Variants in MAN2A1 observed in about 807,000 individuals in gnomAD.
MAN2A1 encodes alpha-mannosidase 2.
MAN2A1 carries 76 observed loss-of-function variants against 142.6 expected under a neutral mutation model. The observed-to-expected ratio is 0.53, with a 90% CI of 0.44 to 0.65. The LOEUF is 0.65. MAN2A1 is among the 30% of genes least tolerant of loss of function. MAN2A1 has a pLI of 0.00. For missense variants in MAN2A1, 1,311 were observed against 1,365.1 expected (o/e 0.96, Z 0.62); for synonymous variants, 559 against 473.2 (o/e 1.18, Z -2.35).
intron 12 of MAN2A1, among the ~76,000 whole-genome samples, chr5:109,809,489 T>C (rs11745926): frequency 0.31 from 46,369 of 151,948 alleles, 7,542 homozygotes; most frequent in East Asian, 0.64. Flanking sequence ...ATTTTTATCA[T>C]TTTCTAAGGA....
rs1488664056 is a variant in MAN2A1, at chr5:109,868,647, T to C, written c.*1649T>C. 1 of 152,152 alleles carries C rather than the reference T, an allele frequency of 6.6e-6. No homozygotes were observed. The highest frequency in any genetic ancestry group is 3.2e-3 in the Middle Eastern group (1 of 316). The allele number at this position is 152,152 out of a possible 1,614,324, so 9.4% of individuals were successfully genotyped here. On this transcript the variant is annotated 3_prime_UTR_variant, in exon 22 of 22. Transcript: ENST00000261483. ...TTAAATTCATAAACTCCTTCACCTT[T>C]AATAATTAAGGAAACAATACCAGTG...
intron 16 of MAN2A1, among the ~76,000 whole-genome samples, chr5:109,839,272 CTA>C (rs1423361854): frequency 6.6e-6 from 1 of 152,118 alleles, no homozygotes; most frequent in Non-Finnish European, 1.5e-5. Context: ...CTTTACAAAA[CTA>C]TTTTGGTTAA....
At chr5:109,759,258 C>G (rs1752772978) in intron 5 of MAN2A1, among the ~76,000 whole-genome samples, 1 of 152,104 alleles carries the variant, frequency 6.6e-6, no homozygotes, top group South Asian at 2.1e-4. Context: ...TTATAGCTTT[C>G]AGTGTAAAAG....
At chr5:109,839,884 T>C (rs1437252400) in intron 16 of MAN2A1, among the ~76,000 whole-genome samples, 1 of 152,060 alleles carries the variant, frequency 6.6e-6, no homozygotes, top group East Asian at 1.9e-4. Flanking sequence ...AGAATTTCCA[T>C]TGTACTTTTC....
intron 5 of MAN2A1, among the ~76,000 whole-genome samples, chr5:109,759,962 TATAG>T (rs1035592534): frequency 0.066 from 3,264 of 49,336 alleles, 72 homozygotes; most frequent in Middle Eastern, 0.15. Flanking sequence ...TATATATATA[TATAG>T]ATAGATAGAT....
At position 109,695,428 on chromosome 5, in the gene MAN2A1, A is replaced by G. The variant is rs769546524; in HGVS notation, c.135+4876A>G. On this transcript the variant is annotated intron_variant, in intron 1 of 21. Coordinates refer to ENST00000261483, the MANE Select transcript of MAN2A1 (RefSeq NM_002372.4). ...ACTTTTATTTGTTTTTGAGTCAGCTATTGCTTTTTGTGATAACTGAAAACT... is the reference window on the plus strand; with the variant it reads ...ACTTTTATTTGTTTTTGAGTCAGCTGTTGCTTTTTGTGATAACTGAAAACT... Among the ~76,000 whole-genome samples the G allele has an allele frequency of 2.0e-5, 3 of 152,100 alleles. No homozygotes were observed. In the East Asian group the frequency reaches 5.8e-4, roughly 29 times the overall value.
intron 16 of MAN2A1, among the ~76,000 whole-genome samples, chr5:109,824,369 A>G (rs1194900167): frequency 6.6e-6 from 1 of 152,204 alleles, no homozygotes; most frequent in Non-Finnish European, 1.5e-5. Flanking sequence ...CCCAAGTGAT[A>G]GGAAATAGGC....
chr5:109,738,020 A>C (rs1021305755), intron 4 of MAN2A1, among the ~76,000 whole-genome samples: 2 of 152,236 alleles, frequency 1.3e-5, no homozygotes, highest in African/African-American at 2.4e-5. Context: ...TGCATTCCTT[A>C]TACAGCTTTG....
At chr5:109,811,677 C>T (rs181291323) in intron 12 of MAN2A1, among the ~76,000 whole-genome samples, 51 of 151,546 alleles carry the variant, frequency 3.4e-4, no homozygotes, top group African/African-American at 1.2e-3. Context: ...TGTCTTATTG[C>T]CTACCCTGTT....
rs1381921059 is a variant in MAN2A1, at chr5:109,817,444, T to C, written c.2109+6T>C. The C allele has an allele frequency of 6.2e-7, 1 of 1,613,498 alleles. No individual in the cohort carries two copies. Among genetic ancestry groups the C allele is most frequent in the African/African-American group, 1.3e-5 (1 of 74,914 alleles). ...TTTCAGAAACAGCCTATGAGGTATG[T>C]TGTAGCCATAGAACTTAAGGAGGCA... On this transcript the variant is annotated splice_donor_region_variant and intron_variant, in intron 13 of 21. Transcript: ENST00000261483.
At chr5:109,836,504 T>G (rs1443089564) in intron 16 of MAN2A1, among the ~76,000 whole-genome samples, 1 of 152,166 alleles carries the variant, frequency 6.6e-6, no homozygotes, top group Non-Finnish European at 1.5e-5. Flanking sequence ...GGGTGATGCC[T>G]TTTGTTTTCT....
intron 1 of MAN2A1, among the ~76,000 whole-genome samples, chr5:109,692,079 T>C (rs1750687410): frequency 6.6e-6 from 1 of 152,228 alleles, no homozygotes; most frequent in African/African-American, 2.4e-5. Flanking sequence ...TTTGGCTTGA[T>C]GATCACTTGA....
intron 16 of MAN2A1, among the ~76,000 whole-genome samples, chr5:109,826,719 G>A (rs185072517): frequency 1.8e-4 from 28 of 152,326 alleles, no homozygotes; most frequent in African/African-American, 6.5e-4. Context: ...ATAGATATAC[G>A]AAGTCTTCAG....
intron 20 of MAN2A1, chr5:109,864,418 G>A (rs1755830386): frequency 6.6e-6 from 1 of 152,116 alleles, no homozygotes; most frequent in African/African-American, 2.4e-5. Context: ...ATTTTTGCCT[G>A]CCTATCAACA....
chr5:109,865,662 G>A (rs1755861448), intron 21 of MAN2A1, among the ~76,000 whole-genome samples: 4 of 152,204 alleles, frequency 2.6e-5, no homozygotes, highest in Admixed American at 2.6e-4. Flanking sequence ...TTTCCCTTGG[G>A]AAATAAATGT....
chr5:109,724,409 C>T (rs1269172285), intron 3 of MAN2A1, among the ~76,000 whole-genome samples: 1 of 151,862 alleles, frequency 6.6e-6, no homozygotes, highest in Non-Finnish European at 1.5e-5. Flanking sequence ...TGCAAATATA[C>T]CTCTTGAATC....
At chr5:109,792,628 A>G (rs928324604) in intron 12 of MAN2A1, among the ~76,000 whole-genome samples, 2 of 152,114 alleles carry the variant, frequency 1.3e-5, no homozygotes, top group Non-Finnish European at 2.9e-5. Flanking sequence ...ACAATTTATT[A>G]TATTTCCCAC....
At chr5:109,711,475 T>C (rs1387055281) in intron 1 of MAN2A1, among the ~76,000 whole-genome samples, 2 of 152,214 alleles carry the variant, frequency 1.3e-5, no homozygotes, top group African/African-American at 2.4e-5. Flanking sequence ...ATTTTTAGCT[T>C]CTTTGGGTTG....
At chr5:109,749,092 T>C (rs534723865) in intron 4 of MAN2A1, among the ~76,000 whole-genome samples, 1 of 152,250 alleles carries the variant, frequency 6.6e-6, no homozygotes, top group East Asian at 1.9e-4. Flanking sequence ...TTTCTCCAGA[T>C]GTGTCATTAG....
Sources: allele counts gnomAD v4.1 joint callset (sites outside exome capture counted in the v4.1 genomes callset), GRCh38; gene constraint gnomAD v4.1.1; transcripts MANE v1.5; gene names NCBI Gene and HGNC (gene_info 2026-07-23, HGNC 2026-07-21).